The following SYT10 variants were observed in gnomAD, a reference collection of about 807,000 sequenced individuals.
The protein encoded by SYT10 is synaptotagmin 10, also known as synaptotagmin-10.
Under a neutral mutation model 51.1 loss-of-function variants are expected in SYT10, and 31 were observed. The ratio of observed to expected loss-of-function variants is 0.61; its 90% CI spans 0.46 to 0.82. SYT10 has a LOEUF of 0.82. Among genes scored for constraint, SYT10 ranks in the 40% least tolerant of loss-of-function variants. SYT10 has a pLI of 0.00. For missense variants in SYT10, 603 were observed against 634.0 expected, an observed-to-expected ratio of 0.95 and a Z score of 0.53; for synonymous variants, 233 against 225.9, an observed-to-expected ratio of 1.03 and a Z score of -0.28.
rs537999049 is a variant in SYT10, at chr12:33,414,411, C to T, written c.510-7055G>A. On this transcript the variant is annotated intron_variant, in intron 2 of 6. Coordinates refer to ENST00000228567, the MANE Select transcript of SYT10 (RefSeq NM_198992.4). Reference sequence around the variant, plus strand: ...TCTCAGCACCACATTGCACTTATTCCAGAAATGACCACATAGTTGGAAGCA... The same window carrying T: ...TCTCAGCACCACATTGCACTTATTCTAGAAATGACCACATAGTTGGAAGCA... 1.9e-3 allele frequency among the ~76,000 whole-genome samples: 296 copies of T among 152,282 alleles called. 1 individual carries two copies. Among genetic ancestry groups the T allele is most frequent in the African/African-American group, 6.6e-3 (275 of 41,546 alleles).
intron 2 of SYT10, among the ~76,000 whole-genome samples, chr12:33,410,995 C>A (rs552448685): frequency 2.0e-5 from 3 of 152,146 alleles, no homozygotes; most frequent in Admixed American, 6.5e-5. Flanking sequence ...CTCATGTAAC[C>A]CAATCAGGTA....
chr12:33,433,143 C>A (rs1171483523), intron 1 of SYT10, among the ~76,000 whole-genome samples: 2 of 152,112 alleles, frequency 1.3e-5, no homozygotes, highest in Non-Finnish European at 2.9e-5. Flanking sequence ...TAAACTTGGT[C>A]AGTGTTAGAT....
chr12:33,387,188 C>T (rs1866164184), intron 3 of SYT10, among the ~76,000 whole-genome samples: 1 of 152,156 alleles, frequency 6.6e-6, no homozygotes, highest in South Asian at 2.1e-4. Context: ...TTCTGATTTA[C>T]ATGATTCTCA....
At chr12:33,386,614 A>G (rs116341551) in intron 3 of SYT10, among the ~76,000 whole-genome samples, 1,678 of 152,082 alleles carry the variant, frequency 0.011, 26 homozygotes, top group African/African-American at 0.037. Context: ...TCATTCTGAG[A>G]CTGTACATCC....
intron 3 of SYT10, among the ~76,000 whole-genome samples, chr12:33,388,914 CTAAT>C (rs1866180382): frequency 6.6e-6 from 1 of 152,100 alleles, no homozygotes; most frequent in Non-Finnish European, 1.5e-5. Context: ...TGTTACAGGA[CTAAT>C]AGTAAAATCA....
chr12:33,380,010 AG>A (rs1866100550), intron 5 of SYT10, 49 bp from the exon 6 acceptor site: 1 of 1,537,122 alleles, frequency 6.5e-7, no homozygotes, highest in Non-Finnish European at 8.8e-7. Flanking sequence ...TCAAAGATAA[AG>A]GGGGTTTCAC....
chr12:33,408,819 A>G (rs1866381145), intron 2 of SYT10, among the ~76,000 whole-genome samples: 1 of 152,090 alleles, frequency 6.6e-6, no homozygotes, highest in Admixed American at 6.5e-5. Flanking sequence ...TGACAATAGC[A>G]CTAATATTTT....
chr12:33,376,579 CTT>C lies in SYT10; in HGVS notation c.*249_*250del, dbSNP rs760245798. 3.0e-5 allele frequency: 15 copies of C among 495,328 alleles called. No homozygotes were observed. Among genetic ancestry groups the C allele is most frequent in the African/African-American group, 7.7e-5 (4 of 52,222 alleles). The allele number at this position is 495,328 out of a possible 1,614,324, so 30.7% of individuals were successfully genotyped here. A position where few individuals can be genotyped will look rare whatever the true frequency, so the allele number is the denominator to read the frequency against. ...AAGAATTACAACATAGTAAAACACT[CTT>C]TGTGCTAACAGGCATTTGATACGAA... is the stretch of plus-strand genomic sequence containing the variant. On this transcript the variant is annotated 3_prime_UTR_variant, in exon 7 of 7. Transcript: ENST00000228567.
At chr12:33,410,545 A>G (rs1866396587) in intron 2 of SYT10, among the ~76,000 whole-genome samples, 1 of 152,106 alleles carries the variant, frequency 6.6e-6, no homozygotes, top group Non-Finnish European at 1.5e-5. Flanking sequence ...CGTTCAATAC[A>G]TATATTGCAA....
intron 6 of SYT10, among the ~76,000 whole-genome samples, chr12:33,377,923 C>T (rs775920896): frequency 3.3e-5 from 5 of 152,052 alleles, no homozygotes; most frequent in Non-Finnish European, 7.4e-5. Context: ...CCACCGCACC[C>T]GGTTGAGGAA....
chr12:33,410,765 C>A (rs1866398351), intron 2 of SYT10, among the ~76,000 whole-genome samples: 1 of 150,434 alleles, frequency 6.6e-6, no homozygotes, highest in African/African-American at 2.4e-5. Context: ...TAAAGTATGC[C>A]AAGAATTAGA....
intron 6 of SYT10, 111 bp downstream of exon 6, chr12:33,379,719 ATT>A: frequency 1.5e-6 from 2 of 1,372,374 alleles, no homozygotes; most frequent in Non-Finnish European, 2.0e-6. Flanking sequence ...AATCTTTTCT[ATT>A]TTTTTTAACA....
chr12:33,404,431 C>T (rs1307918668), intron 3 of SYT10, among the ~76,000 whole-genome samples: 2 of 152,046 alleles, frequency 1.3e-5, no homozygotes, highest in Admixed American at 1.3e-4. Flanking sequence ...CGCTCTGTTG[C>T]CCAGGCTGGA....
chr12:33,411,837 T>C (rs1866409606), intron 2 of SYT10, among the ~76,000 whole-genome samples: 1 of 152,038 alleles, frequency 6.6e-6, no homozygotes, highest in African/African-American at 2.4e-5. Context: ...ATATGAAAGA[T>C]CAGGAGCTTA....
In SYT10 at chr12:33,376,278, C is replaced by G. The variant is rs11052654; in HGVS notation, c.*552G>C. The stretch of plus-strand genomic sequence containing the variant: ...GAGACAAGTTTTGAGTTTAGCAGAG[C>G]CAAACCTCACCAAGAAAGTAATTTT... On this transcript the variant is annotated 3_prime_UTR_variant, in exon 7 of 7. Coordinates refer to ENST00000228567, the MANE Select transcript of SYT10 (RefSeq NM_198992.4). 19,013 of 151,952 alleles carry G rather than the reference C, an allele frequency of 0.13. 1,889 individuals carry two copies. Among genetic ancestry groups the G allele is most frequent in the East Asian group, 0.55 (2,829 of 5,166 alleles). The allele number at this position is 151,952 out of a possible 1,614,324, so 9.4% of individuals were successfully genotyped here.
chr12:33,426,452 T>G lies in SYT10; in HGVS notation c.195A>C (p.Gly65=). ...AAAGTGAGACAACCAACAAGGCCAG[T>G]CCACAAAAGCTGACAACGACAGCTA... ...SLLAVVVSFC[G]LALLVVSLFV... Residue 65 remains glycine, a synonymous_variant, in exon 2 of 7, where the codon GGA becomes GGC. Transcript: ENST00000228567. 1 of 1,607,912 alleles carries G rather than the reference T, an allele frequency of 6.2e-7. No homozygotes were observed.
intron 3 of SYT10, among the ~76,000 whole-genome samples, chr12:33,400,450 A>G (rs1178812721): frequency 1.3e-5 from 2 of 152,152 alleles, no homozygotes; most frequent in Non-Finnish European, 2.9e-5. Context: ...ACTCTTTCAA[A>G]CAATACCTGA....
chr12:33,378,713 C>T (rs1243059318), intron 6 of SYT10, among the ~76,000 whole-genome samples: 1 of 152,072 alleles, frequency 6.6e-6, no homozygotes, highest in Non-Finnish European at 1.5e-5. Flanking sequence ...AGACAACATC[C>T]ACTGTTGAAA....
intron 1 of SYT10, among the ~76,000 whole-genome samples, chr12:33,437,425 A>G (rs1230790798): frequency 6.6e-6 from 1 of 152,262 alleles, no homozygotes; most frequent in Non-Finnish European, 1.5e-5. Flanking sequence ...GGAAAAACTG[A>G]GAACTATTTC....
Sources: allele counts gnomAD v4.1 joint callset (sites outside exome capture counted in the v4.1 genomes callset), GRCh38; gene constraint gnomAD v4.1.1; transcripts MANE v1.5; gene names NCBI Gene and HGNC (gene_info 2026-07-23, HGNC 2026-07-21).